The following PARD3 variants were observed in gnomAD, a reference collection of about 807,000 sequenced individuals.
PARD3 encodes partitioning defective 3 homolog.
In PARD3, 75 loss-of-function variants were observed where a neutral mutation model predicts 155.4. The ratio of observed to expected loss-of-function variants is 0.48; its 90% CI spans 0.40 to 0.58. PARD3 has a LOEUF of 0.58. Among genes scored for constraint, PARD3 ranks in the 20% least tolerant of loss-of-function variants. The pLI, the probability that PARD3 is intolerant of heterozygous loss-of-function variation, is 0.00. For synonymous variants in PARD3, 576 were observed against 610.5 expected (o/e 0.94, Z 0.83); for missense variants, 1,642 against 1,721.7 (o/e 0.95, Z 0.82).
At chr10:34,486,782 A>G (rs1210507268) in intron 3 of PARD3, among the ~76,000 whole-genome samples, 1 of 152,082 alleles carries the variant, frequency 6.6e-6, no homozygotes, top group Non-Finnish European at 1.5e-5. Flanking sequence ...AGTGACCATT[A>G]CCCTTTTGTG....
At chr10:34,795,073 G>T (rs1588787031) in intron 1 of PARD3, among the ~76,000 whole-genome samples, 1 of 152,194 alleles carries the variant, frequency 6.6e-6, no homozygotes, top group Admixed American at 6.5e-5. Flanking sequence ...ACTTGAGAGA[G>T]TGACAGCTGC....
chr10:34,311,888 C>T (rs775067841), intron 20 of PARD3, among the ~76,000 whole-genome samples: 5 of 152,160 alleles, frequency 3.3e-5, no homozygotes, highest in Non-Finnish European at 5.9e-5. Flanking sequence ...ACTGTACCAG[C>T]CCACACACCT....
chr10:34,409,274 C>T lies in PARD3; in HGVS notation c.715-7357G>A, dbSNP rs975674430. Among the ~76,000 whole-genome samples the T allele has an allele frequency of 5.3e-5, 8 of 152,148 alleles. No homozygotes were observed. The South Asian group carries it at 8.3e-4, about 16-fold the overall frequency. On this transcript the variant is annotated intron_variant, in intron 5 of 24. Transcript: ENST00000374788. ...GAACAACAAAAAGTATGTATCTCTG[C>T]ACCAGTTCCATGCATAATGGAATCT...
At chr10:34,702,672 C>T (rs1010019237) in intron 1 of PARD3, among the ~76,000 whole-genome samples, 1 of 152,174 alleles carries the variant, frequency 6.6e-6, no homozygotes, top group Non-Finnish European at 1.5e-5. Flanking sequence ...CAGGGCTTAT[C>T]CCCCCAAGGC....
intron 22 of PARD3, among the ~76,000 whole-genome samples, chr10:34,216,471 C>T (rs1952007228): frequency 6.6e-6 from 1 of 152,184 alleles, no homozygotes; most frequent in African/African-American, 2.4e-5. Context: ...TTGGAGTCCC[C>T]AATTTCACAT....
At chr10:34,645,405 C>T (rs1486564139) in intron 2 of PARD3, among the ~76,000 whole-genome samples, 3 of 151,308 alleles carry the variant, frequency 2.0e-5, no homozygotes, top group Non-Finnish European at 4.4e-5. Flanking sequence ...GGGGTTTCAT[C>T]GTGTTGACCA....
chr10:34,449,870 G>A lies in PARD3; in HGVS notation c.714+447C>T, dbSNP rs190556712. ...AAGTGCCCAAACATGACAAAATACC[G>A]TAATCTAAATTCTAAAACAACACCA... On this transcript the variant is annotated intron_variant, in intron 5 of 24. Coordinates refer to ENST00000374788, the MANE Select transcript of PARD3 (RefSeq NM_001184785.2). Among the ~76,000 whole-genome samples the A allele has an allele frequency of 1.4e-4, 21 of 152,244 alleles. No individual in the cohort carries two copies. The East Asian group carries it at 3.5e-3, about 25-fold the overall frequency.
At chr10:34,234,670 A>G (rs1286272681) in intron 22 of PARD3, among the ~76,000 whole-genome samples, 1 of 152,156 alleles carries the variant, frequency 6.6e-6, no homozygotes, top group Non-Finnish European at 1.5e-5. Flanking sequence ...CAAAATATTT[A>G]TTCATTTATT....
Position 34,285,784 on chromosome 10 carries a change from G to A in PARD3, c.3066-1539C>T, listed in dbSNP as rs73254639. Among the ~76,000 whole-genome samples the A allele has an allele frequency of 3.8e-3, 578 of 152,100 alleles. 1 individual carries two copies. The highest frequency in any genetic ancestry group is 0.013 in the African/African-American group (543 of 41,490). On this transcript the variant is annotated intron_variant, in intron 20 of 24. Coordinates refer to ENST00000374788, the MANE Select transcript of PARD3 (RefSeq NM_001184785.2). ...ATTAAAGTAACACTATGTTTGAAAG[G>A]GGTCTCTAAATATGGAAAGGAAAGT...
chr10:34,389,365 T>C (rs1268703569), intron 7 of PARD3, among the ~76,000 whole-genome samples: 1 of 151,990 alleles, frequency 6.6e-6, no homozygotes, highest in Non-Finnish European at 1.5e-5. Context: ...TTAGATTATA[T>C]TAAGGATTGC....
rs772862874 is a variant in PARD3 at position 34,119,738 on chromosome 10, C to T, written c.3543G>A (p.Pro1181=). ...CGCTCTGCGTCGCCGGCCGTGCGTTCGGCTGGAAGAGGAAAATACAAGCAC... is the reference window on the plus strand; with the variant it reads ...CGCTCTGCGTCGCCGGCCGTGCGTTTGGCTGGAAGAGGAAAATACAAGCAC... ...RRTYSFEQPW[P]NARPATQSGR... Residue 1181 remains proline, a splice_region_variant and synonymous_variant, in exon 24 of 25, where the codon CCG becomes CCA. Coordinates refer to ENST00000374788, the MANE Select transcript of PARD3 (RefSeq NM_001184785.2). The T allele has an allele frequency of 2.4e-5, 38 of 1,609,996 alleles. No homozygotes were observed. In the Middle Eastern group the frequency reaches 6.6e-4, roughly 28 times the overall value.
intron 2 of PARD3, among the ~76,000 whole-genome samples, chr10:34,534,765 C>T (rs1481341176): frequency 6.6e-6 from 1 of 152,138 alleles, no homozygotes; most frequent in Non-Finnish European, 1.5e-5. Context: ...AATCCTAGCA[C>T]TTTGGGAGGC....
intron 22 of PARD3, among the ~76,000 whole-genome samples, chr10:34,257,901 T>C (rs1029145640): frequency 1.3e-5 from 2 of 152,254 alleles, no homozygotes; most frequent in African/African-American, 2.4e-5. Flanking sequence ...TTTAATTTCA[T>C]TGCTGCATCT....
intron 3 of PARD3, among the ~76,000 whole-genome samples, chr10:34,483,502 GA>G: frequency 7.4e-6 from 1 of 135,972 alleles, no homozygotes; most frequent in Admixed American, 6.9e-5. Flanking sequence ...AAAAAAAAGA[GA>G]GAGAAAAAAA....
intron 4 of PARD3, among the ~76,000 whole-genome samples, chr10:34,459,198 G>A (rs1564737164): frequency 6.6e-6 from 1 of 151,952 alleles, no homozygotes; most frequent in East Asian, 1.9e-4. Flanking sequence ...ACGGAGTCTC[G>A]CTCTGTGGCC....
chr10:34,308,880 C>T (rs890946671), intron 20 of PARD3, among the ~76,000 whole-genome samples: 4 of 152,020 alleles, frequency 2.6e-5, no homozygotes, highest in African/African-American at 9.7e-5. Context: ...GAGTATGGCA[C>T]AGAATTAGCA....
At chr10:34,445,264 A>G (rs891735221) in intron 5 of PARD3, among the ~76,000 whole-genome samples, 1 of 152,238 alleles carries the variant, frequency 6.6e-6, no homozygotes, top group Admixed American at 6.5e-5. Flanking sequence ...TAGTGTATAA[A>G]GCATAACCTA....
At chr10:34,316,585 T>A (rs1328732879) in intron 20 of PARD3, among the ~76,000 whole-genome samples, 1 of 152,192 alleles carries the variant, frequency 6.6e-6, no homozygotes, top group African/African-American at 2.4e-5. Context: ...ACCACTAACT[T>A]GAGCTCTATG....
At chr10:34,120,338 A>C (rs10466068) in intron 23 of PARD3, among the ~76,000 whole-genome samples, 181 of 151,918 alleles carry the variant, frequency 1.2e-3, no homozygotes, top group African/African-American at 4.1e-3. Flanking sequence ...GTAAATGCTG[A>C]CATAAGACAC....
Sources: gnomAD v4.1 joint callset for allele counts (sites outside exome capture counted in the v4.1 genomes callset) on GRCh38, gnomAD v4.1.1 for gene constraint, MANE v1.5 for transcripts, NCBI Gene and HGNC (gene_info 2026-07-23, HGNC 2026-07-21) for gene names.